The following ABHD12 variants were observed in gnomAD, a reference collection of about 807,000 sequenced individuals.
ABHD12 encodes lysophosphatidylserine lipase ABHD12.
In ABHD12, 43 loss-of-function variants were observed where a neutral mutation model predicts 58.3. The ratio of observed to expected loss-of-function variants is 0.74; its 90% CI spans 0.58 to 0.95. ABHD12 has a LOEUF of 0.95. Ranked by LOEUF, ABHD12 falls within the 40% of genes least tolerant of loss-of-function variation. The pLI is 0.00. For missense variants in ABHD12, 539 were observed against 537.2 expected, an observed-to-expected ratio of 1.00 and a Z score of -0.03; for synonymous variants, 219 against 211.2, an observed-to-expected ratio of 1.04 and a Z score of -0.32.
chr20:25,355,781 T>C (rs1265016002), intron 1 of ABHD12, among the ~76,000 whole-genome samples: 3 of 152,138 alleles, frequency 2.0e-5, no homozygotes, highest in Non-Finnish European at 4.4e-5. Flanking sequence ...ATGGTCTCAA[T>C]CTCCTGATCT....
intron 9 of ABHD12, 51 bp from the exon 10 acceptor site, chr20:25,306,966 G>GCA: frequency 7.3e-7 from 1 of 1,360,858 alleles, no homozygotes; most frequent in South Asian, 1.2e-5. Flanking sequence ...AGATATCCAG[G>GCA]CACAGGTCAA....
intron 1 of ABHD12, among the ~76,000 whole-genome samples, chr20:25,356,758 T>C (rs2089673979): frequency 6.6e-6 from 1 of 152,176 alleles, no homozygotes; most frequent in Admixed American, 6.5e-5. Context: ...TGATGGAATC[T>C]GCCCTAATGG....
intron 6 of ABHD12, 68 bp from the exon 7 acceptor site, chr20:25,309,643 C>T: frequency 2.5e-6 from 4 of 1,602,402 alleles, no homozygotes; most frequent in Non-Finnish European, 3.4e-6. Context: ...AACACACCTC[C>T]CCAAGGGGGC....
intron 1 of ABHD12, among the ~76,000 whole-genome samples, chr20:25,377,497 C>T (rs550758223): frequency 3.3e-5 from 5 of 152,152 alleles, no homozygotes; most frequent in East Asian, 3.9e-4. Context: ...GTGGGGACTC[C>T]GAAGAGTCCC....
In ABHD12 at chr20:25,335,507, C is replaced by T. The variant is rs796292438; in HGVS notation, c.316+3720G>A. Among the ~76,000 whole-genome samples the T allele has an allele frequency of 7.4e-3, 1,013 of 137,196 alleles. 8 individuals carry two copies. Among genetic ancestry groups the T allele is most frequent in the East Asian group, 0.016 (77 of 4,762 alleles). The allele number at this position is 137,196 out of a possible 152,430, so 90.0% of individuals were successfully genotyped here. A position where few individuals can be genotyped will look rare whatever the true frequency, so the allele number is the denominator to read the frequency against. On this transcript the variant is annotated intron_variant, in intron 2 of 12. Coordinates refer to ENST00000339157, the MANE Select transcript of ABHD12 (RefSeq NM_001042472.3). ...ATGCTGCTATAAAGACACATGCACA[C>T]GTATGTTTATTGCGGCATTATTCAC...
downstream of ABHD12, chr20:25,297,652 A>AAG (rs2145908989): frequency 6.6e-6 from 1 of 152,396 alleles, no homozygotes; most frequent in East Asian, 1.9e-4. Flanking sequence ...CCCATTGCCC[A>AAG]AGAGAGAGGG....
At chr20:25,347,457 T>C (rs999507701) in intron 1 of ABHD12, among the ~76,000 whole-genome samples, 3 of 152,170 alleles carry the variant, frequency 2.0e-5, no homozygotes, top group South Asian at 2.1e-4. Flanking sequence ...CTATATTATT[T>C]TAATACCTAA....
intron 1 of ABHD12, among the ~76,000 whole-genome samples, chr20:25,373,973 AGAGTG>A (rs1239776694): frequency 2.7e-4 from 41 of 152,296 alleles, no homozygotes; most frequent in Middle Eastern, 3.4e-3. Flanking sequence ...TGCCCAGACC[AGAGTG>A]TAGTGGCTTG....
chr20:25,351,479 GCTTGACAGTCA>G (rs879821197), intron 1 of ABHD12, among the ~76,000 whole-genome samples: 3 of 152,214 alleles, frequency 2.0e-5, no homozygotes, highest in Non-Finnish European at 4.4e-5. Flanking sequence ...AAGTCACTTT[GCTTGACAGTCA>G]CTTGGCTGTG....
intron 2 of ABHD12, among the ~76,000 whole-genome samples, chr20:25,326,718 G>A (rs1330485770): frequency 6.7e-6 from 1 of 148,954 alleles, no homozygotes; most frequent in Non-Finnish European, 1.5e-5. Context: ...CATGGGGACT[G>A]GAGAGAGAAA....
intron 1 of ABHD12, among the ~76,000 whole-genome samples, chr20:25,364,972 T>C (rs2089799816): frequency 6.6e-6 from 1 of 152,110 alleles, no homozygotes; most frequent in Non-Finnish European, 1.5e-5. Flanking sequence ...GGCATGGGAA[T>C]GGCTGCCTAG....
At chr20:25,315,457 G>C (rs552728708) in intron 5 of ABHD12, among the ~76,000 whole-genome samples, 67 of 151,990 alleles carry the variant, frequency 4.4e-4, no homozygotes, top group African/African-American at 1.5e-3. Flanking sequence ...AATCCCTACA[G>C]ACTAGCTGAC....
intron 1 of ABHD12, among the ~76,000 whole-genome samples, chr20:25,341,145 G>A (rs1220598015): frequency 6.6e-6 from 1 of 152,226 alleles, no homozygotes; most frequent in Non-Finnish European, 1.5e-5. Flanking sequence ...CTGAAGTGGT[G>A]GACAGTCAGG....
intron 1 of ABHD12, among the ~76,000 whole-genome samples, chr20:25,346,790 C>T (rs139690959): frequency 2.4e-4 from 36 of 152,098 alleles, no homozygotes; most frequent in Non-Finnish European, 4.1e-4. Context: ...GGACTACAGG[C>T]GCCTGCCACC....
chr20:25,369,927 TAAAAAAAA>T (rs3032443), intron 1 of ABHD12, among the ~76,000 whole-genome samples: 1 of 91,440 alleles, frequency 1.1e-5, no homozygotes. Context: ...GTCTCTGTTA[TAAAAAAAA>T]AAAAAAAAAA....
chr20:25,331,744 C>G (rs1175838829), intron 2 of ABHD12, among the ~76,000 whole-genome samples: 5 of 152,100 alleles, frequency 3.3e-5, no homozygotes, highest in Non-Finnish European at 5.9e-5. Context: ...ACTTTACAGA[C>G]AAGCAAATGC....
At chr20:25,303,894 G>GAT (rs1019421918) in intron 10 of ABHD12, among the ~76,000 whole-genome samples, 41 of 152,134 alleles carry the variant, frequency 2.7e-4, no homozygotes, top group Non-Finnish European at 3.2e-4. Context: ...TTTTCCACCA[G>GAT]ATATATATAT....
intron 1 of ABHD12, among the ~76,000 whole-genome samples, chr20:25,378,256 A>G (rs1049835321): frequency 2.0e-5 from 3 of 152,230 alleles, no homozygotes; most frequent in Non-Finnish European, 4.4e-5. Flanking sequence ...AAGCCTGAGT[A>G]TGCAAGAGCT....
At chr20:25,302,768 CTGAGCTGT>C (rs2088661159) in intron 11 of ABHD12, among the ~76,000 whole-genome samples, 1 of 152,174 alleles carries the variant, frequency 6.6e-6, no homozygotes, top group South Asian at 2.1e-4. Context: ...GTAGGTGGGC[CTGAGCTGT>C]GCGCTGCTGG....
Sources: allele counts gnomAD v4.1 joint callset (sites outside exome capture counted in the v4.1 genomes callset), GRCh38; gene constraint gnomAD v4.1.1; transcripts MANE v1.5; gene names NCBI Gene and HGNC (gene_info 2026-07-23, HGNC 2026-07-21).